TAF1B: variants seen among roughly 807,000 people sequenced by gnomAD.
TAF1B encodes the protein TATA-box binding protein associated factor, RNA polymerase I subunit B, also known as TATA box-binding protein-associated factor RNA polymerase I subunit B.
Under a neutral mutation model 83.9 loss-of-function variants are expected in TAF1B, and 61 were observed. The observed-to-expected ratio is 0.73, with a 90% CI of 0.59 to 0.90. TAF1B has a LOEUF of 0.90. Ranked by LOEUF, TAF1B falls within the 40% of genes least tolerant of loss-of-function variation. TAF1B has a pLI of 0.00. For missense variants in TAF1B, 625 were observed against 677.0 expected, an observed-to-expected ratio of 0.92 and a Z score of 0.85; for synonymous variants, 221 against 224.6, an observed-to-expected ratio of 0.98 and a Z score of 0.14.
intron 7 of TAF1B, among the ~76,000 whole-genome samples, chr2:9,877,507 CCT>C (rs558396335): frequency 4.1e-4 from 62 of 151,804 alleles, no homozygotes; most frequent in Non-Finnish European, 7.8e-4. Context: ...CTCTGCATTC[CCT>C]CTCTCTCTCT....
chr2:9,862,082 A>G (rs1182303027), intron 5 of TAF1B, among the ~76,000 whole-genome samples: 1 of 152,204 alleles, frequency 6.6e-6, no homozygotes, highest in Admixed American at 6.5e-5. Flanking sequence ...AACAGAACAA[A>G]GCTGGAAGGA....
At chr2:9,931,964 TG>T (rs1666227458) in intron 14 of TAF1B, among the ~76,000 whole-genome samples, 1 of 152,252 alleles carries the variant, frequency 6.6e-6, no homozygotes. Flanking sequence ...AATCGGCTAT[TG>T]AAGCTTGTGC....
At chr2:9,860,276 T>G (rs930278747) in intron 5 of TAF1B, among the ~76,000 whole-genome samples, 5 of 152,196 alleles carry the variant, frequency 3.3e-5, no homozygotes, top group Admixed American at 6.5e-5. Flanking sequence ...GATGTAAAAG[T>G]CTGCAGTTCA....
intron 5 of TAF1B, among the ~76,000 whole-genome samples, chr2:9,858,286 C>T (rs1479793626): frequency 6.6e-6 from 1 of 152,244 alleles, no homozygotes; most frequent in Non-Finnish European, 1.5e-5. Context: ...TAAGCTTTGA[C>T]TCCATGTCTC....
intron 14 of TAF1B, among the ~76,000 whole-genome samples, chr2:9,920,842 C>T (rs1383528373): frequency 6.6e-6 from 1 of 152,068 alleles, no homozygotes; most frequent in Non-Finnish European, 1.5e-5. Context: ...GTTATTGGGT[C>T]TGGATAAAAT....
At chr2:9,864,435 A>G (rs1405321706) in intron 5 of TAF1B, among the ~76,000 whole-genome samples, 1 of 152,184 alleles carries the variant, frequency 6.6e-6, no homozygotes, top group East Asian at 1.9e-4. Context: ...TCTGAAATTG[A>G]GGCAATAATT....
intron 5 of TAF1B, among the ~76,000 whole-genome samples, chr2:9,858,194 A>G (rs560249240): frequency 6.6e-6 from 1 of 152,354 alleles, no homozygotes; most frequent in African/African-American, 2.4e-5. Context: ...CCCAATCCAC[A>G]TGGGATAAAT....
At chr2:9,866,731 A>G (rs1663988669) in intron 5 of TAF1B, among the ~76,000 whole-genome samples, 1 of 152,250 alleles carries the variant, frequency 6.6e-6, no homozygotes, top group Admixed American at 6.5e-5. Context: ...TGTGGCACAT[A>G]CACACCATGG....
At chr2:9,876,087 A>T in intron 7 of TAF1B, 69 bp downstream of exon 7, 1 of 1,449,604 alleles carries the variant, frequency 6.9e-7, no homozygotes. Context: ...CAAACTTCGG[A>T]TATTTTGATT....
At chr2:9,900,279 A>T (rs1344166216) in intron 8 of TAF1B, among the ~76,000 whole-genome samples, 1 of 152,200 alleles carries the variant, frequency 6.6e-6, no homozygotes, top group Non-Finnish European at 1.5e-5. Context: ...CATGCCTGCA[A>T]TCCCAACACT....
intron 8 of TAF1B, among the ~76,000 whole-genome samples, chr2:9,890,205 C>T (rs1283467213): frequency 6.6e-6 from 1 of 152,172 alleles, no homozygotes; most frequent in Non-Finnish European, 1.5e-5. Flanking sequence ...TAAGCTGGGC[C>T]ATTTGTTTCT....
intron 8 of TAF1B, among the ~76,000 whole-genome samples, chr2:9,901,282 T>G (rs1423564434): frequency 6.6e-6 from 1 of 152,160 alleles, no homozygotes; most frequent in Non-Finnish European, 1.5e-5. Context: ...TTTTAAAAAA[T>G]GAAATCTGTA....
In TAF1B at chr2:9,845,333, T is replaced by C. The variant is rs762888067; in HGVS notation, c.117+15T>C. On this transcript the variant is annotated intron_variant, in intron 2 of 14. Transcript: ENST00000263663. ...ATGTTACAGAGGTAAGTAACAAATA[T>C]CATTTATGAATTTGCTTATGTTTTA... is the stretch of plus-strand genomic sequence containing the variant. 1.5e-4 allele frequency: 233 copies of C among 1,600,200 alleles called. No homozygotes were observed. The highest frequency in any genetic ancestry group is 6.6e-4 in the Middle Eastern group (4 of 6,058).
chr2:9,906,708 A>G (rs1665354583), intron 9 of TAF1B, among the ~76,000 whole-genome samples: 2 of 152,250 alleles, frequency 1.3e-5, no homozygotes, highest in South Asian at 4.1e-4. Flanking sequence ...ACAGCTACAG[A>G]AAATGAAGAC....
At chr2:9,887,977 C>G (rs1374814218) in intron 8 of TAF1B, among the ~76,000 whole-genome samples, 1 of 152,170 alleles carries the variant, frequency 6.6e-6, no homozygotes, top group African/African-American at 2.4e-5. Flanking sequence ...CTCAGCCTCC[C>G]TAGTAGCTAG....
intron 3 of TAF1B, among the ~76,000 whole-genome samples, chr2:9,849,680 T>C (rs1663324220): frequency 6.6e-6 from 1 of 152,216 alleles, no homozygotes; most frequent in Non-Finnish European, 1.5e-5. Context: ...AATTCAACCG[T>C]GGAATTGTTA....
At chr2:9,854,224 G>A in intron 4 of TAF1B, 102 bp from the exon 5 acceptor site, 1 of 789,836 alleles carries the variant, frequency 1.3e-6, no homozygotes, top group Non-Finnish European at 2.1e-6. Context: ...AAATTTATAT[G>A]TAAGTTAATA....
At chr2:9,904,374 T>G (rs1005741805) in intron 8 of TAF1B, among the ~76,000 whole-genome samples, 3 of 152,230 alleles carry the variant, frequency 2.0e-5, no homozygotes, top group Non-Finnish European at 4.4e-5. Flanking sequence ...TTTTTGTTAC[T>G]GCATTAATTT....
rs555112172 is a variant in TAF1B at position 9,873,012 on chromosome 2, A to G, written c.554-2853A>G. 7.4e-4 allele frequency among the ~76,000 whole-genome samples: 112 copies of G among 152,228 alleles called. 3 individuals are homozygous for G. The highest frequency in any genetic ancestry group is 1.5e-4 in the Non-Finnish European group (10 of 68,040). ...ACTTAATTAAACTTCTATTCCTGGC[A>G]TTTAGGTTGTTCTAAATTTTTATAT... is the stretch of plus-strand genomic sequence containing the variant. On this transcript the variant is annotated intron_variant, in intron 6 of 14. Coordinates refer to ENST00000263663, the MANE Select transcript of TAF1B (RefSeq NM_005680.3).
Sources: gnomAD v4.1 joint callset for allele counts (sites outside exome capture counted in the v4.1 genomes callset) on GRCh38, gnomAD v4.1.1 for gene constraint, MANE v1.5 for transcripts, NCBI Gene and HGNC (gene_info 2026-07-23, HGNC 2026-07-21) for gene names.